The following LRP2 variants were observed in gnomAD, a reference collection of about 807,000 sequenced individuals.
LRP2 encodes low-density lipoprotein receptor-related protein 2.
Under a neutral mutation model 531.0 loss-of-function variants are expected in LRP2, and 172 were observed. The observed-to-expected ratio is 0.32, with a 90% CI of 0.29 to 0.37. The LOEUF is 0.37. Ranked by LOEUF, LRP2 falls within the 10% of genes least tolerant of loss-of-function variation. The probability of loss-of-function intolerance (pLI) is 1.00; values close to 1 mark genes in which losing one functional copy is unlikely to be tolerated. For missense variants in LRP2, 5,167 were observed against 5,868.3 expected, an observed-to-expected ratio of 0.88 and a Z score of 3.90; for synonymous variants, 1,992 against 2,027.6, an observed-to-expected ratio of 0.98 and a Z score of 0.47.
intron 43 of LRP2, among the ~76,000 whole-genome samples, chr2:169,202,362 C>T (rs1021853386): frequency 6.6e-5 from 10 of 152,096 alleles, no homozygotes; most frequent in African/African-American, 2.2e-4. Flanking sequence ...TAAAATGATA[C>T]GTTTCCTTAG....
At chr2:169,354,042 C>A (rs1357058502) in intron 1 of LRP2, among the ~76,000 whole-genome samples, 1 of 152,128 alleles carries the variant, frequency 6.6e-6, no homozygotes, top group African/African-American at 2.4e-5. Context: ...ATTTTTTCAA[C>A]CTTTACTCAG....
intron 38 of LRP2, among the ~76,000 whole-genome samples, chr2:169,208,624 T>C (rs10200740): frequency 0.28 from 42,763 of 151,746 alleles, 6,309 homozygotes; most frequent in South Asian, 0.38. Flanking sequence ...GCCTGGTTAA[T>C]TTTTGTGTTT....
At chr2:169,288,624 G>A (rs1683919616) in intron 9 of LRP2, among the ~76,000 whole-genome samples, 1 of 152,160 alleles carries the variant, frequency 6.6e-6, no homozygotes, top group African/African-American at 2.4e-5. Context: ...AAGAGGCCAG[G>A]GGAGCAAGGT....
Position 169,206,480 on chromosome 2 carries a change from T to C in LRP2, c.7240A>G (p.Thr2414Ala). Residue 2414 changes from threonine (T) to alanine (A), a missense_variant, in exon 39 of 79, where the codon ACA (threonine) becomes GCA (alanine). Coordinates refer to ENST00000649046, the MANE Select transcript of LRP2 (RefSeq NM_004525.3). ...ATGACAGTTCTTTCCACATTTATTG[T>C]TTGGAAAGGTGGGCTATGGTTTTCA... ...DPENHSPPFQ[T>A]INVERTVMSL... The C allele has an allele frequency of 1.2e-6, 2 of 1,614,210 alleles. No individual in the cohort carries two copies. Among genetic ancestry groups the C allele is most frequent in the East Asian group, 4.5e-5 (2 of 44,878 alleles).
At chr2:169,191,808 G>A in intron 48 of LRP2, 24 bp downstream of exon 48, 16 of 1,608,600 alleles carry the variant, frequency 9.9e-6, no homozygotes, top group Non-Finnish European at 1.4e-5. Context: ...GGCATGCTGG[G>A]TAACTTCTGA....
chr2:169,289,097 G>A lies in LRP2; in HGVS notation c.971C>T (p.Thr324Met), dbSNP rs990126630. ...ACAAAAACACGCTCCTCCATACGGC[G>A]TCTCATGGCACTGGTACTGGCAGTT... ...ALNCQYQCHE[T>M]PYGGACFCPP... The change falls in exon 9 of 79, where the codon ACG becomes ATG. Residue 324 changes from threonine to methionine, a missense_variant. Thr to Met is a moderately conservative substitution (Grantham distance 81). Around this residue, in one of 6 missense-constraint regions of LRP2, gnomAD observed 2,811 missense variants for 3,058.0 expected, o/e 0.92. Coordinates refer to ENST00000649046, the MANE Select transcript of LRP2 (RefSeq NM_004525.3). 5 of 1,613,972 alleles carry A rather than the reference G, an allele frequency of 3.1e-6. No homozygotes were observed. The highest frequency in any genetic ancestry group is 1.3e-5 in the African/African-American group (1 of 74,894).
chr2:169,263,089 T>C (rs1342321343), intron 16 of LRP2, among the ~76,000 whole-genome samples: 1 of 152,148 alleles, frequency 6.6e-6, no homozygotes, highest in South Asian at 2.1e-4. Flanking sequence ...TATACAAATA[T>C]CAATTCAAGA....
intron 4 of LRP2, among the ~76,000 whole-genome samples, chr2:169,297,555 C>T (rs932705515): frequency 2.6e-5 from 4 of 152,116 alleles, no homozygotes; most frequent in African/African-American, 4.8e-5. Context: ...TTCCTCATAC[C>T]ACTCCTTGCT....
At chr2:169,327,263 T>TG (rs71003077) in intron 1 of LRP2, among the ~76,000 whole-genome samples, 43,451 of 50,056 alleles carry the variant, frequency 0.87, 18,602 homozygotes, top group East Asian at 0.96. Flanking sequence ...GGGAGGGAGG[T>TG]GGGGGGGTCA....
In LRP2 at chr2:169,330,594, C is replaced by T. The variant is rs186367555; in HGVS notation, c.80-9710G>A. 1.7e-3 allele frequency among the ~76,000 whole-genome samples: 258 copies of T among 152,282 alleles called. 2 individuals carry two copies. Among genetic ancestry groups the T allele is most frequent in the African/African-American group, 5.4e-3 (224 of 41,564 alleles). On this transcript the variant is annotated intron_variant, in intron 1 of 78. Coordinates refer to ENST00000649046, the MANE Select transcript of LRP2 (RefSeq NM_004525.3). ...CACTTCTCAGAGGTTCTTCAGAGGA[C>T]GCTATCGCCATTTGGGGTGGGACAA...
At chr2:169,247,066 C>G (rs1043734607) in intron 20 of LRP2, 80 bp from the exon 21 acceptor site, 89 of 1,503,252 alleles carry the variant, frequency 5.9e-5, no homozygotes, top group Non-Finnish European at 7.5e-5. Flanking sequence ...TGAAGGAAAA[C>G]AAACAGGACA....
chr2:169,213,711 C>A lies in LRP2; in HGVS notation c.5986G>T (p.Val1996Phe), dbSNP rs1688677791. The A allele has an allele frequency of 6.2e-7, 1 of 1,613,702 alleles. No homozygotes were observed. Among genetic ancestry groups the A allele is most frequent in the African/African-American group, 1.3e-5 (1 of 74,898 alleles). ...VDKATGANKI[V>F]LRDNVPNLRG... ...AGATTTGGAACATTATCTCTCAAGA[C>A]TATTTTGTTGGCCCCAGTGGCCTTA... is the stretch of plus-strand genomic sequence containing the variant. The change falls in exon 36 of 79, where the codon GTC (valine) becomes TTC (phenylalanine). Residue 1996 changes from valine to phenylalanine, a missense_variant. Physicochemically the swap from Val to Phe is conservative, Grantham distance 50. Coordinates refer to ENST00000649046, the MANE Select transcript of LRP2 (RefSeq NM_004525.3).
intron 67 of LRP2, among the ~76,000 whole-genome samples, chr2:169,151,593 T>A (rs1686130861): frequency 6.6e-6 from 1 of 152,098 alleles, no homozygotes; most frequent in Admixed American, 6.5e-5. Flanking sequence ...CCTTTTAAAA[T>A]AACAAACTCG....
At chr2:169,209,385 A>C (rs985593981) in intron 38 of LRP2, 68 bp downstream of exon 38, 26 of 1,522,932 alleles carry the variant, frequency 1.7e-5, no homozygotes, top group Admixed American at 5.0e-5. Flanking sequence ...GAGTTAGGCT[A>C]AACTTTCTAG....
At chr2:169,315,141 T>C (rs1559071479) in intron 3 of LRP2, among the ~76,000 whole-genome samples, 1 of 152,166 alleles carries the variant, frequency 6.6e-6, no homozygotes, top group Non-Finnish European at 1.5e-5. Context: ...CATCAACCTA[T>C]CTAATGCTGA....
chr2:169,128,459 T>C lies in LRP2; in HGVS notation c.*204A>G. The C allele has an allele frequency of 1.8e-6, 1 of 544,628 alleles. No individual in the cohort carries two copies. The highest frequency in any genetic ancestry group is 5.1e-4 in the Middle Eastern group (1 of 1,970). The allele number at this position is 544,628 out of a possible 1,614,324, so 33.7% of individuals were successfully genotyped here. A position where few individuals can be genotyped will look rare whatever the true frequency, so the allele number is the denominator to read the frequency against. ...TTCAGACAACTTCAGTGCAAAGATA[T>C]ACATATAGTACATTGTGATAATTAT... On this transcript the variant is annotated 3_prime_UTR_variant, in exon 79 of 79. Transcript: ENST00000649046.
rs866482244 is a variant in LRP2 at position 169,239,580 on chromosome 2, G to A, written c.4241C>T (p.Ser1414Leu). Residue 1414 changes from serine to leucine, a missense_variant, in exon 26 of 79, where the codon TCG becomes TTG. By Grantham distance (145) the Ser-to-Leu change is moderately radical (BLOSUM62 -2). Transcript: ENST00000649046. ...CYNMRGSFRCSCDTGYMLESD... is the reference protein window; with the variant it reads ...CYNMRGSFRCLCDTGYMLESD... Reference sequence around the variant, plus strand: ...TTCTAACATGTAGCCTGTATCACACGAGCACCGGAAAGAACCTCTCATATT... The same window carrying A: ...TTCTAACATGTAGCCTGTATCACACAAGCACCGGAAAGAACCTCTCATATT... 2.5e-6 allele frequency: 4 copies of A among 1,613,888 alleles called. No homozygotes were observed. Among genetic ancestry groups the A allele is most frequent in the Admixed American group, 1.7e-5 (1 of 59,990 alleles).
At chr2:169,138,111 T>C (rs1685585475) in intron 75 of LRP2, among the ~76,000 whole-genome samples, 1 of 152,206 alleles carries the variant, frequency 6.6e-6, no homozygotes, top group South Asian at 2.1e-4. Context: ...TGTCACATAC[T>C]TAGTAGGTGG....
intron 49 of LRP2, among the ~76,000 whole-genome samples, chr2:169,186,568 C>T: frequency 6.6e-6 from 1 of 152,234 alleles, no homozygotes. Context: ...GTTCTCTACT[C>T]ATCAAGGAGC....
Sources: gnomAD v4.1 joint callset for allele counts (sites outside exome capture counted in the v4.1 genomes callset) on GRCh38, gnomAD v4.1.1 for gene constraint, gnomAD v4.1.1 regional missense constraint, MANE v1.5 for transcripts, NCBI Gene and HGNC (gene_info 2026-07-23, HGNC 2026-07-21) for gene names.